ANKRD36B: variants seen among roughly 807,000 people sequenced by gnomAD.
ANKRD36B encodes the protein ankyrin repeat domain-containing protein 36B.
In ANKRD36B, 37 loss-of-function variants were observed where a neutral mutation model predicts 135.7. The observed-to-expected ratio is 0.27, with a 90% CI of 0.21 to 0.36. The LOEUF is 0.36. ANKRD36B is among the 10% of genes least tolerant of loss of function. The pLI is 1.00. For synonymous variants in ANKRD36B, 179 were observed against 348.1 expected, an observed-to-expected ratio of 0.51 and a Z score of 5.41; for missense variants, 549 against 1,037.1, an observed-to-expected ratio of 0.53 and a Z score of 6.46.
chr2:97,549,332 C>G (rs1361291106), intron 20 of ANKRD36B, 87 bp downstream of exon 20: 7 of 1,436,920 alleles, frequency 4.9e-6, no homozygotes, highest in Non-Finnish European at 6.6e-6. Context: ...AGTGCAGCTT[C>G]GACGAGCCCC....
chr2:97,554,818 T>C (rs547555022), intron 14 of ANKRD36B, among the ~76,000 whole-genome samples: 10 of 152,074 alleles, frequency 6.6e-5, no homozygotes, highest in African/African-American at 1.9e-4. Context: ...TATGTCTTGA[T>C]CTGCTCTCCA....
Position 97,530,136 on chromosome 2 carries a change from A to G in ANKRD36B, c.2265+2175T>C, listed in dbSNP as rs9941543. Among the ~76,000 whole-genome samples the G allele has an allele frequency of 4.4e-3, 423 of 95,934 alleles. 101 individuals are homozygous for G. Among genetic ancestry groups the G allele is most frequent in the African/African-American group, 0.012 (391 of 31,950 alleles). 62.9% of individuals were successfully genotyped at this position (95,934 alleles called of 152,430 possible). A position where few individuals can be genotyped will look rare whatever the true frequency, so the allele number is the denominator to read the frequency against. The stretch of plus-strand genomic sequence containing the variant: ...AAAAGAACAAAGCTGGAGGCATCAC[A>G]CTACCTGACTTCAAACTATACTACA... On this transcript the variant is annotated intron_variant, in intron 35 of 43. Coordinates refer to ENST00000359901, the MANE Select transcript of ANKRD36B (RefSeq NM_001393939.1).
chr2:97,562,242 A>ACAC (rs2081090876), intron 6 of ANKRD36B, among the ~76,000 whole-genome samples: 1 of 151,654 alleles, frequency 6.6e-6, no homozygotes, highest in African/African-American at 2.4e-5. Flanking sequence ...AATATGACAT[A>ACAC]ATACATATAT....
chr2:97,547,185 T>G (rs1486962156), intron 22 of ANKRD36B: 7 of 252,212 alleles, frequency 2.8e-5, no homozygotes, highest in Middle Eastern at 1.4e-3. Flanking sequence ...GGCAGTATGA[T>G]CTGAAGTGTG....
intron 43 of ANKRD36B, among the ~76,000 whole-genome samples, chr2:97,494,165 A>G (rs1349280486): frequency 1.9e-5 from 2 of 103,896 alleles, no homozygotes; most frequent in African/African-American, 5.5e-5. Flanking sequence ...GCAACACAGA[A>G]TAACACAGAA....
At chr2:97,574,531 G>A (rs1189575117) in intron 6 of ANKRD36B, among the ~76,000 whole-genome samples, 7 of 152,288 alleles carry the variant, frequency 4.6e-5, no homozygotes, top group Admixed American at 1.3e-4. Flanking sequence ...CAGCCATCCC[G>A]TTACTGGGTA....
intron 6 of ANKRD36B, among the ~76,000 whole-genome samples, chr2:97,563,991 TGA>T (rs532427045): frequency 4.9e-4 from 46 of 94,026 alleles, no homozygotes; most frequent in African/African-American, 1.4e-3. Context: ...TGGATAGATC[TGA>T]AATATATATC....
intron 6 of ANKRD36B, among the ~76,000 whole-genome samples, chr2:97,572,276 A>C (rs2081929846): frequency 1.0e-5 from 1 of 100,008 alleles, no homozygotes; most frequent in Non-Finnish European, 2.6e-5. Flanking sequence ...CAAAAGACTC[A>C]ATCTCAAAAA....
At chr2:97,553,861 G>A (rs2595329) in intron 14 of ANKRD36B, among the ~76,000 whole-genome samples, 3 of 151,934 alleles carry the variant, frequency 2.0e-5, no homozygotes, top group East Asian at 1.9e-4. Context: ...GAATGTACAC[G>A]TCATGTCTCT....
Position 97,545,705 on chromosome 2 carries a change from T to A in ANKRD36B, c.1642A>T (p.Met548Leu), listed in dbSNP as rs1444220863. The A allele has an allele frequency of 6.2e-6, 6 of 963,240 alleles. 2 individuals are homozygous for A. The highest frequency in any genetic ancestry group is 9.4e-6 in the Non-Finnish European group (6 of 635,820). 59.7% of individuals were successfully genotyped at this position (963,240 alleles called of 1,614,324 possible). ...TSDKEDSVPN[M>L]ATETKDEQIS... ...TGTTCATCCTTTGTTTCTGTGGCCA[T>A]ATTCGGAACAGAATCTTCCTTGTCA... The change falls in exon 24 of 44, where the codon ATG becomes TTG. Residue 548 changes from methionine to leucine, a missense_variant. Physicochemically the swap from Met to Leu is conservative, Grantham distance 15 (BLOSUM62 2). Transcript: ENST00000359901.
chr2:97,550,112 T>G (rs2104637344), intron 18 of ANKRD36B, among the ~76,000 whole-genome samples: 1 of 151,398 alleles, frequency 6.6e-6, no homozygotes, highest in Non-Finnish European at 1.5e-5. Context: ...ACACTTCACA[T>G]CTCTTCAGTG....
At chr2:97,563,851 C>T (rs1423051202) in intron 6 of ANKRD36B, among the ~76,000 whole-genome samples, 1 of 152,094 alleles carries the variant, frequency 6.6e-6, no homozygotes, top group Admixed American at 6.6e-5. Flanking sequence ...TAAGCATATC[C>T]ATGCTGGTAT....
chr2:97,556,844 C>A, intron 12 of ANKRD36B, 93 bp downstream of exon 12: 2 of 1,506,802 alleles, frequency 1.3e-6, no homozygotes, highest in Non-Finnish European at 1.8e-6. Flanking sequence ...TCAGAAAGTG[C>A]ATTTTCAATG....
chr2:97,552,234 T>C (rs530702636), intron 16 of ANKRD36B, among the ~76,000 whole-genome samples: 51 of 152,106 alleles, frequency 3.4e-4, no homozygotes, highest in African/African-American at 1.2e-3. Context: ...GCATTAGATA[T>C]TAATCACTTT....
chr2:97,566,336 CA>C, intron 6 of ANKRD36B, among the ~76,000 whole-genome samples: 1 of 151,778 alleles, frequency 6.6e-6, no homozygotes, highest in Non-Finnish European at 1.5e-5. Context: ...AAAAAAAAAT[CA>C]TGAACTTTTG....
intron 3 of ANKRD36B, among the ~76,000 whole-genome samples, chr2:97,584,456 T>C (rs2082835372): frequency 6.6e-6 from 1 of 151,554 alleles, no homozygotes; most frequent in Non-Finnish European, 1.5e-5. Context: ...TTTTCCCTCT[T>C]AAGCCTTTCC....
intron 16 of ANKRD36B, among the ~76,000 whole-genome samples, chr2:97,552,613 T>C (rs546314231): frequency 8.5e-5 from 13 of 152,052 alleles, no homozygotes; most frequent in African/African-American, 3.1e-4. Context: ...CAAATGCATG[T>C]GAAGTGAGTT....
intron 5 of ANKRD36B, among the ~76,000 whole-genome samples, chr2:97,577,770 T>A (rs2082322627): frequency 6.7e-6 from 1 of 150,354 alleles, no homozygotes; most frequent in African/African-American, 2.4e-5. Flanking sequence ...CTTGAGATAC[T>A]GATGCAAGCA....
chr2:97,560,365 A>T (rs1458277473), intron 8 of ANKRD36B, among the ~76,000 whole-genome samples: 1 of 151,912 alleles, frequency 6.6e-6, no homozygotes, highest in Non-Finnish European at 1.5e-5. Context: ...CTCTTGATGG[A>T]AACATGCTGT....
Sources: allele counts gnomAD v4.1 joint callset (sites outside exome capture counted in the v4.1 genomes callset), GRCh38; gene constraint gnomAD v4.1.1; transcripts MANE v1.5; gene names NCBI Gene and HGNC (gene_info 2026-07-23, HGNC 2026-07-21).